The following AK9 variants were observed in gnomAD, a reference collection of about 807,000 sequenced individuals.
The protein encoded by AK9 is adenylate kinase domain containing 1.
Under a neutral mutation model 239.6 loss-of-function variants are expected in AK9, and 191 were observed. That is an observed-to-expected ratio of 0.80 (90% CI 0.71 to 0.90). The LOEUF is 0.90. Ranked by LOEUF, AK9 falls within the 40% of genes least tolerant of loss-of-function variation. The pLI is 0.00. For synonymous variants in AK9, 689 were observed against 721.0 expected, an observed-to-expected ratio of 0.96 and a Z score of 0.71; for missense variants, 1,995 against 2,214.7, an observed-to-expected ratio of 0.90 and a Z score of 1.99.
intron 17 of AK9, among the ~76,000 whole-genome samples, chr6:109,602,522 C>T (rs1382477648): frequency 1.3e-5 from 2 of 152,144 alleles, no homozygotes; most frequent in Non-Finnish European, 1.5e-5. Flanking sequence ...TCCTTCATTT[C>T]AACTTTGGTG....
chr6:109,536,233 C>A (rs1387714724), intron 27 of AK9, among the ~76,000 whole-genome samples: 1 of 152,202 alleles, frequency 6.6e-6, no homozygotes, highest in Non-Finnish European at 1.5e-5. Context: ...TTCTTCCTAT[C>A]CATGAGCATG....
chr6:109,564,732 A>T lies in AK9; in HGVS notation c.2434+24T>A, dbSNP rs1179367399. The T allele has an allele frequency of 4.0e-6, 6 of 1,486,002 alleles. No homozygotes were observed. The African/African-American group carries it at 8.5e-5, about 21-fold the overall frequency. The allele number at this position is 1,486,002 out of a possible 1,614,324, so 92.1% of individuals were successfully genotyped here. On this transcript the variant is annotated intron_variant, in intron 22 of 40. Coordinates refer to ENST00000424296, the MANE Select transcript of AK9 (RefSeq NM_001145128.3). ...ATATGAAAAGTACTTTTATGCAAGA[A>T]CTACTTTCATTTTACAGTCTAACCT... is the stretch of plus-strand genomic sequence containing the variant.
chr6:109,599,946 G>A (rs1005303036), intron 17 of AK9, among the ~76,000 whole-genome samples: 2 of 152,244 alleles, frequency 1.3e-5, no homozygotes, highest in Non-Finnish European at 2.9e-5. Flanking sequence ...AGACTTTGCT[G>A]AAGTTGTTTA....
intron 33 of AK9, among the ~76,000 whole-genome samples, chr6:109,507,892 G>A (rs1778277875): frequency 6.6e-6 from 1 of 152,222 alleles, no homozygotes; most frequent in Non-Finnish European, 1.5e-5. Context: ...ACCACTCATA[G>A]ACTGCTAAGT....
At chr6:109,679,943 C>T (rs577101133) in intron 1 of AK9, among the ~76,000 whole-genome samples, 12 of 152,208 alleles carry the variant, frequency 7.9e-5, no homozygotes, top group Admixed American at 5.9e-4. Flanking sequence ...AAACCCCATC[C>T]GAAGGTCACC....
At chr6:109,643,287 C>A (rs546517325) in intron 9 of AK9, among the ~76,000 whole-genome samples, 9 of 152,296 alleles carry the variant, frequency 5.9e-5, no homozygotes, top group African/African-American at 2.2e-4. Context: ...GGTGGCTCCA[C>A]CACTAGCATG....
At position 109,516,525 on chromosome 6, in the gene AK9, C is replaced by G; in HGVS notation, c.3751G>C (p.Glu1251Gln). The change falls in exon 30 of 41, where the codon GAA becomes CAA. Residue 1251 changes from glutamate to glutamine, a missense_variant. Glu to Gln is a conservative substitution (Grantham distance 29, BLOSUM62 2). Coordinates refer to ENST00000424296, the MANE Select transcript of AK9 (RefSeq NM_001145128.3). ...PKDEEEMSGEEDEEQETDAIE... is the reference protein window; with the variant it reads ...PKDEEEMSGEQDEEQETDAIE... ...GCATCAGTTTCCTGTTCTTCATCTT[C>G]CTCGCCACTCATCTCTTCCTCATCT... is the stretch of plus-strand genomic sequence containing the variant. 6.4e-7 allele frequency: 1 copy of G among 1,551,742 alleles called. No homozygotes were observed. The highest frequency in any genetic ancestry group is 8.7e-7 in the Non-Finnish European group (1 of 1,147,022).
intron 35 of AK9, among the ~76,000 whole-genome samples, chr6:109,502,109 T>C (rs943752052): frequency 5.9e-5 from 9 of 152,168 alleles, no homozygotes; most frequent in Admixed American, 5.9e-4. Context: ...GATCCCTGCC[T>C]TGTGGTGTTC....
chr6:109,623,162 T>A (rs1343023585), intron 12 of AK9, among the ~76,000 whole-genome samples: 2 of 152,186 alleles, frequency 1.3e-5, no homozygotes, highest in Admixed American at 6.5e-5. Flanking sequence ...TGTCTTTTTA[T>A]ATTTTAAAAT....
chr6:109,625,663 G>A (rs1160105232), intron 12 of AK9, among the ~76,000 whole-genome samples: 1 of 152,170 alleles, frequency 6.6e-6, no homozygotes, highest in Non-Finnish European at 1.5e-5. Flanking sequence ...GTTTCATCCT[G>A]AAACCATCCT....
intron 27 of AK9, among the ~76,000 whole-genome samples, chr6:109,541,629 C>T (rs920965271): frequency 7.9e-5 from 12 of 152,332 alleles, no homozygotes; most frequent in South Asian, 4.1e-4. Flanking sequence ...AGGCTGGTCT[C>T]GAACTCCCAA....
intron 26 of AK9, among the ~76,000 whole-genome samples, chr6:109,543,387 G>A (rs1285382333): frequency 6.6e-6 from 1 of 152,098 alleles, no homozygotes; most frequent in Non-Finnish European, 1.5e-5. Flanking sequence ...CTGTAGACAA[G>A]CAGGAGATAT....
intron 20 of AK9, among the ~76,000 whole-genome samples, chr6:109,577,019 A>G (rs1788182108): frequency 6.6e-6 from 1 of 151,812 alleles, no homozygotes; most frequent in Non-Finnish European, 1.5e-5. Context: ...TTTAGTAGAG[A>G]CGGGGTTTCA....
At position 109,534,591 on chromosome 6, in the gene AK9, A is replaced by AAT. The variant is rs201503326; in HGVS notation, c.3351-1123_3351-1122dup. Among the ~76,000 whole-genome samples the AAT allele has an allele frequency of 4.1e-3, 611 of 150,110 alleles. 3 individuals carry two copies. The highest frequency in any genetic ancestry group is 0.021 in the Middle Eastern group (6 of 286). ...AAGCAAATTTCCATATATTGGCCAT[A>AAT]ATATATATATATATTTTTATTTAAT... is the stretch of plus-strand genomic sequence containing the variant. On this transcript the variant is annotated intron_variant, in intron 27 of 40. Coordinates refer to ENST00000424296, the MANE Select transcript of AK9 (RefSeq NM_001145128.3).
In AK9 at chr6:109,610,518, AG is replaced by A. The variant is rs1216640344; in HGVS notation, c.1694-6del. The A allele has an allele frequency of 2.6e-6, 4 of 1,548,708 alleles. No individual in the cohort carries two copies. In the South Asian group the frequency reaches 4.8e-5, roughly 19 times the overall value. On this transcript the variant is annotated splice_region_variant and splice_polypyrimidine_tract_variant and intron_variant, in intron 16 of 40. Transcript: ENST00000424296. The stretch of plus-strand genomic sequence containing the variant: ...CTATCAAGTCTTCTGTTGGGGCTAA[AG>A]TAAAATAAGCTGATAAATTAATGCC...
At chr6:109,611,724 G>C (rs1793608114) in intron 16 of AK9, among the ~76,000 whole-genome samples, 1 of 152,118 alleles carries the variant, frequency 6.6e-6, no homozygotes, top group Non-Finnish European at 1.5e-5. Flanking sequence ...CAGCCATCTT[G>C]TGGCCTATTA....
chr6:109,646,831 G>T (rs1798128574), intron 8 of AK9, among the ~76,000 whole-genome samples: 1 of 152,206 alleles, frequency 6.6e-6, no homozygotes, highest in African/African-American at 2.4e-5. Context: ...GTTAAGGGCA[G>T]CCAGAGAGAA....
intron 21 of AK9, among the ~76,000 whole-genome samples, chr6:109,567,780 G>A (rs1786782371): frequency 1.3e-5 from 2 of 149,988 alleles, no homozygotes; most frequent in South Asian, 4.3e-4. Flanking sequence ...TATACCTAAT[G>A]CAAATGACGA....
chr6:109,541,546 G>A (rs146588589), intron 27 of AK9, among the ~76,000 whole-genome samples: 305 of 152,274 alleles, frequency 2.0e-3, no homozygotes, highest in African/African-American at 7.1e-3. Context: ...GAGTAGCTGG[G>A]ATTACAGGCA....
Sources: allele counts gnomAD v4.1 joint callset (sites outside exome capture counted in the v4.1 genomes callset), GRCh38; gene constraint gnomAD v4.1.1; transcripts MANE v1.5; gene names NCBI Gene and HGNC (gene_info 2026-07-23, HGNC 2026-07-21).